NLRP7: variants seen among roughly 807,000 people sequenced by gnomAD.
NLRP7 encodes the protein NACHT, LRR and PYD domains-containing protein 7.
Under a neutral mutation model 85.5 loss-of-function variants are expected in NLRP7, and 72 were observed. The observed-to-expected ratio is 0.84, with a 90% confidence interval of 0.70 to 1.02. NLRP7 has a LOEUF of 1.02. NLRP7 is among the 50% of genes least tolerant of loss of function. NLRP7 has a pLI of 0.00. For synonymous variants in NLRP7, 550 were observed against 505.2 expected, an observed-to-expected ratio of 1.09 and a Z score of -1.19; for missense variants, 1,243 against 1,219.5, an observed-to-expected ratio of 1.02 and a Z score of -0.29.
chr19:54,935,866 T>C (rs1299688810), intron 6 of NLRP7, among the ~76,000 whole-genome samples: 2 of 152,050 alleles, frequency 1.3e-5, no homozygotes, highest in Admixed American at 6.6e-5. Flanking sequence ...CTGTGCCTGA[T>C]CTGAGATCGA....
chr19:54,943,582 CAG>C (rs370195290), intron 1 of NLRP7, among the ~76,000 whole-genome samples: 6 of 133,622 alleles, frequency 4.5e-5, no homozygotes, highest in Admixed American at 9.0e-5. Flanking sequence ...GCCTGGGCGA[CAG>C]AGCGAGACTC....
intron 1 of NLRP7, among the ~76,000 whole-genome samples, chr19:54,964,047 T>C (rs2070185558): frequency 6.8e-6 from 1 of 147,052 alleles, no homozygotes; most frequent in African/African-American, 2.5e-5. Flanking sequence ...GCCCGACTAA[T>C]TTTTTGTATT....
Position 54,934,335 on chromosome 19 carries a change from G to A in NLRP7, c.2471+154C>T, listed in dbSNP as rs2068803014. Among the ~76,000 whole-genome samples, 1 of 152,144 alleles carries A rather than the reference G, an allele frequency of 6.6e-6. No homozygotes were observed. The stretch of plus-strand genomic sequence containing the variant: ...CAGATGATCCGCCCACCTCTCTGCT[G>A]AGATTACAGGCAGGAGCCACCGTGC... On this transcript the variant is annotated intron_variant, in intron 7 of 9. Transcript: ENST00000340844. This position sits in a 1 kb window ranked among gnomAD's most constrained non-coding sequence, Gnocchi z 6.7.
exon 4 of NLRP7, chr19:54,940,101 T>C (rs1235553791): frequency 2.5e-6 from 4 of 1,614,050 alleles, no homozygotes; most frequent in Non-Finnish European, 2.5e-6. Flanking sequence ...GCTAGGATGC[T>C]TGGAATGTCA....
At chr19:54,955,724 T>G (rs2069829535) in intron 1 of NLRP7, among the ~76,000 whole-genome samples, 3 of 151,136 alleles carry the variant, frequency 2.0e-5, no homozygotes, top group Non-Finnish European at 2.9e-5. Flanking sequence ...GAGTCGTAGG[T>G]TGCAGTGAGC....
intron 9 of NLRP7, among the ~76,000 whole-genome samples, chr19:54,926,843 G>A (rs1280292545): frequency 6.6e-6 from 1 of 150,798 alleles, no homozygotes; most frequent in Non-Finnish European, 1.5e-5. Flanking sequence ...TTGAACCCAG[G>A]AGGCAGAGGT....
At chr19:54,936,180 G>A (rs1363309117) in intron 6 of NLRP7, 81 bp downstream of exon 6, 4 of 1,295,504 alleles carry the variant, frequency 3.1e-6, no homozygotes, top group Non-Finnish European at 4.5e-6. Flanking sequence ...ATCTGGAGTG[G>A]TTACCCTTTT....
intron 1 of NLRP7, among the ~76,000 whole-genome samples, chr19:54,943,252 G>A (rs1018653395): frequency 5.9e-5 from 9 of 152,084 alleles, no homozygotes; most frequent in African/African-American, 2.2e-4. Flanking sequence ...GGAGGTTGCA[G>A]TGAGCCAGCC....
At chr19:54,952,029 G>T (rs1401939179), upstream of NLRP7, among the ~76,000 whole-genome samples, 1 of 152,104 alleles carries the variant, frequency 6.6e-6, no homozygotes, top group African/African-American at 2.4e-5. Context: ...TGGGATTACA[G>T]GCGTGAGCCA....
chr19:54,940,037 G>T (rs1268448028), exon 4 of NLRP7: 18 of 1,614,158 alleles, frequency 1.1e-5, no homozygotes, highest in Non-Finnish European at 1.4e-5. Flanking sequence ...CGCCCCAGGT[G>T]GGACTTTCAG....
chr19:54,949,318 G>A (rs1319324722), upstream of NLRP7, among the ~76,000 whole-genome samples: 1 of 151,318 alleles, frequency 6.6e-6, no homozygotes, highest in Admixed American at 6.6e-5. Context: ...GTTCATGAAT[G>A]TAATCCCAGC....
chr19:54,952,126 A>C (rs2069689105), upstream of NLRP7, among the ~76,000 whole-genome samples: 1 of 152,118 alleles, frequency 6.6e-6, no homozygotes. Flanking sequence ...GCTTTTGTTT[A>C]AGGATGGTTT....
At chr19:54,928,574 TCAAA>T (rs1372119062) in intron 9 of NLRP7, among the ~76,000 whole-genome samples, 3 of 152,056 alleles carry the variant, frequency 2.0e-5, no homozygotes, top group African/African-American at 4.8e-5. Flanking sequence ...TAGAGGTAAG[TCAAA>T]CAGAGAGGCA....
At chr19:54,961,590 A>G (rs1424997358) in intron 1 of NLRP7, among the ~76,000 whole-genome samples, 1 of 151,500 alleles carries the variant, frequency 6.6e-6, no homozygotes, top group East Asian at 2.0e-4. Context: ...TAATCCCAGC[A>G]CTTTGGGAAG....
chr19:54,946,108 T>C (rs1306872689), intron 1 of NLRP7, among the ~76,000 whole-genome samples: 1 of 150,700 alleles, frequency 6.6e-6, no homozygotes, highest in Admixed American at 6.6e-5. Flanking sequence ...GGTTTCTCTA[T>C]GTTGGCCAGG....
intron 9 of NLRP7, 109 bp from the exon 10 acceptor site, chr19:54,927,884 G>A: frequency 1.1e-6 from 1 of 926,582 alleles, no homozygotes; most frequent in South Asian, 1.3e-5. Context: ...TTGAGGCCAG[G>A]TGTTCGAGAC....
At position 54,938,712 on chromosome 19, in the gene NLRP7, C is replaced by A. The variant is rs104895533; in HGVS notation, c.1931+176G>T. Among the ~76,000 whole-genome samples the A allele has an allele frequency of 0.033, 5,005 of 152,242 alleles. 262 individuals carry two copies. Among genetic ancestry groups the A allele is most frequent in the African/African-American group, 0.11 (4,567 of 41,520 alleles). On this transcript the variant is annotated intron_variant, in intron 4 of 9. Transcript: ENST00000340844. Reference sequence around the variant, plus strand: ...CTGCACTCCAGCCTGGGGGACAGAGCGAGACTCCGTCTCAAAAATAAAAAG... The same window carrying A: ...CTGCACTCCAGCCTGGGGGACAGAGAGAGACTCCGTCTCAAAAATAAAAAG...
intron 1 of NLRP7, among the ~76,000 whole-genome samples, chr19:54,956,755 G>A (rs1195844144): frequency 1.3e-5 from 2 of 150,932 alleles, no homozygotes; most frequent in Admixed American, 6.6e-5. Context: ...TTGGGAGGCC[G>A]AGGCAGGTGG....
intron 1 of NLRP7, among the ~76,000 whole-genome samples, chr19:54,964,269 T>A (rs1324280662): frequency 7.8e-6 from 1 of 128,622 alleles, no homozygotes; most frequent in African/African-American, 3.0e-5. Flanking sequence ...CAGGCTGGAG[T>A]GCAGTGGCGC....
Sources: gnomAD v4.1 joint callset for allele counts (sites outside exome capture counted in the v4.1 genomes callset) on GRCh38, gnomAD v4.1.1 for gene constraint, Gnocchi (gnomAD v3.1) non-coding constraint, MANE v1.5 for transcripts, NCBI Gene and HGNC (gene_info 2026-07-23, HGNC 2026-07-21) for gene names.